Variants in TMEM135 observed in about 807,000 individuals in gnomAD.
TMEM135 encodes transmembrane protein 135.
In TMEM135, 30 loss-of-function variants were observed where a neutral mutation model predicts 60.3. The observed-to-expected ratio is 0.50, with a 90% CI of 0.37 to 0.68. The LOEUF (loss-of-function observed/expected upper bound fraction) is 0.68. Ranked by LOEUF, TMEM135 falls within the 30% of genes least tolerant of loss-of-function variation. The pLI is 0.00. For missense variants in TMEM135, 468 were observed against 548.8 expected, an observed-to-expected ratio of 0.85 and a Z score of 1.47; for synonymous variants, 190 against 186.7, an observed-to-expected ratio of 1.02 and a Z score of -0.14.
intron 4 of TMEM135, among the ~76,000 whole-genome samples, chr11:87,114,736 A>C (rs1371841522): frequency 1.3e-5 from 2 of 152,212 alleles, no homozygotes; most frequent in Non-Finnish European, 2.9e-5. Context: ...TGTGTGTGTT[A>C]CCAAACCATT....
At chr11:87,059,844 G>A (rs1363860146) in intron 1 of TMEM135, among the ~76,000 whole-genome samples, 1 of 152,202 alleles carries the variant, frequency 6.6e-6, no homozygotes, top group African/African-American at 2.4e-5. Flanking sequence ...GGCCGGGCGT[G>A]GTGGCTCACG....
chr11:87,167,145 C>T (rs945958082), intron 5 of TMEM135, among the ~76,000 whole-genome samples: 3 of 152,072 alleles, frequency 2.0e-5, no homozygotes, highest in Non-Finnish European at 4.4e-5. Flanking sequence ...GTGATTTTTG[C>T]ACCTTGATTT....
intron 6 of TMEM135, among the ~76,000 whole-genome samples, chr11:87,251,876 C>T (rs1306262581): frequency 1.3e-5 from 2 of 152,098 alleles, no homozygotes; most frequent in Non-Finnish European, 2.9e-5. Context: ...TACACAATTT[C>T]AGTAAGGACA....
chr11:87,213,462 C>T (rs916221779), intron 5 of TMEM135, among the ~76,000 whole-genome samples: 2 of 152,150 alleles, frequency 1.3e-5, no homozygotes, highest in Non-Finnish European at 2.9e-5. Flanking sequence ...GGACCATTTG[C>T]TTCTAGAGTC....
intron 6 of TMEM135, among the ~76,000 whole-genome samples, chr11:87,240,062 A>G (rs147124174): frequency 1.3e-5 from 2 of 152,166 alleles, no homozygotes; most frequent in Admixed American, 6.6e-5. Flanking sequence ...AAATGCTTCA[A>G]GGCTTGGGCT....
intron 5 of TMEM135, among the ~76,000 whole-genome samples, chr11:87,203,141 C>G (rs1483837247): frequency 1.3e-5 from 2 of 151,958 alleles, no homozygotes; most frequent in Non-Finnish European, 2.9e-5. Flanking sequence ...CATACCCTCC[C>G]CCATTATTAA....
Position 87,326,576 on chromosome 11 carries a change from C to CT in TMEM135, c.*5244dup. On this transcript the variant is annotated 3_prime_UTR_variant, in exon 15 of 15. Coordinates refer to ENST00000305494, the MANE Select transcript of TMEM135 (RefSeq NM_022918.4). ...GCCAAAAGGAATGGGAGAGAAGAGA[C>CT]TATAAACATATTTTAAGCCTTATCT... The CT allele has an allele frequency of 2.2e-6, 1 of 454,086 alleles. No homozygotes were observed. Among genetic ancestry groups the CT allele is most frequent in the Non-Finnish European group, 4.4e-6 (1 of 226,780 alleles). 28.1% of individuals were successfully genotyped at this position (454,086 alleles called of 1,614,324 possible). A position where few individuals can be genotyped will look rare whatever the true frequency, so the allele number is the denominator to read the frequency against.
chr11:87,204,408 A>G (rs147719140), intron 5 of TMEM135, among the ~76,000 whole-genome samples: 130 of 152,256 alleles, frequency 8.5e-4, no homozygotes, highest in Non-Finnish European at 1.6e-3. Flanking sequence ...GTTATGCAAT[A>G]CAGTTGACCT....
Position 87,072,767 on chromosome 11 carries a change from A to G in TMEM135, c.362+1152A>G, listed in dbSNP as rs193081472. Among the ~76,000 whole-genome samples, 6 of 152,370 alleles carry G rather than the reference A, an allele frequency of 3.9e-5. No homozygotes were observed. The East Asian group carries it at 5.8e-4, about 15-fold the overall frequency. Reference sequence around the variant, plus strand: ...TTCCATGTGAATAAATATGATTTCTATAAAATGTTGCAAACTTACATAAAC... The same window carrying G: ...TTCCATGTGAATAAATATGATTTCTGTAAAATGTTGCAAACTTACATAAAC... On this transcript the variant is annotated intron_variant, in intron 3 of 14. Coordinates refer to ENST00000305494, the MANE Select transcript of TMEM135 (RefSeq NM_022918.4).
chr11:87,298,794 A>AAAAAAAAC (rs1390265662), intron 7 of TMEM135, among the ~76,000 whole-genome samples: 2 of 148,726 alleles, frequency 1.3e-5, no homozygotes, highest in East Asian at 2.0e-4. Flanking sequence ...CTCAAAAAAA[A>AAAAAAAAC]AAAAAAAAAA....
rs149421557 is a variant in TMEM135 at position 87,037,938 on chromosome 11, C to T, written c.-108C>T. 130 of 1,530,516 alleles carry T rather than the reference C, an allele frequency of 8.5e-5. No homozygotes were observed. In the African/African-American group the frequency reaches 1.3e-3, roughly 15 times the overall value. 94.8% of individuals were successfully genotyped at this position (1,530,516 alleles called of 1,614,324 possible). ...CTCTCGTGACCTTTCCCCTCCATTCCGCACCTCCGAGTGCTGGCCGGGCGA... is the reference window on the plus strand; with the variant it reads ...CTCTCGTGACCTTTCCCCTCCATTCTGCACCTCCGAGTGCTGGCCGGGCGA... On this transcript the variant is annotated 5_prime_UTR_variant, in exon 1 of 15. Coordinates refer to ENST00000305494, the MANE Select transcript of TMEM135 (RefSeq NM_022918.4).
At chr11:87,318,472 G>A (rs1364641616) in intron 13 of TMEM135, among the ~76,000 whole-genome samples, 1 of 151,006 alleles carries the variant, frequency 6.6e-6, no homozygotes, top group African/African-American at 2.4e-5. Context: ...GGTTTTAATA[G>A]AGTACAATTT....
At chr11:87,098,930 C>T (rs1000929044) in intron 4 of TMEM135, among the ~76,000 whole-genome samples, 8 of 152,062 alleles carry the variant, frequency 5.3e-5, no homozygotes, top group South Asian at 2.1e-4. Context: ...CCTCGTGATC[C>T]GCCCGCCTCG....
intron 1 of TMEM135, among the ~76,000 whole-genome samples, chr11:87,065,525 A>AT (rs1856632242): frequency 6.6e-6 from 1 of 151,916 alleles, no homozygotes; most frequent in African/African-American, 2.4e-5. Flanking sequence ...TTTGCTTTTT[A>AT]TTGTTGAGTT....
At chr11:87,178,384 A>G (rs758645412) in intron 5 of TMEM135, 3 of 456,024 alleles carry the variant, frequency 6.6e-6, no homozygotes, top group South Asian at 1.6e-5. Context: ...TTTTATATAC[A>G]TGTAATTATA....
At chr11:87,241,872 C>A (rs564721363) in intron 6 of TMEM135, among the ~76,000 whole-genome samples, 1 of 151,554 alleles carries the variant, frequency 6.6e-6, no homozygotes, top group South Asian at 2.1e-4. Context: ...ATTATTATTA[C>A]ACTTTAAGTT....
At chr11:87,064,745 G>T (rs1038759437) in intron 1 of TMEM135, among the ~76,000 whole-genome samples, 1 of 152,112 alleles carries the variant, frequency 6.6e-6, no homozygotes, top group Admixed American at 6.6e-5. Flanking sequence ...TTAGCTGGGC[G>T]TGGTGGCCGG....
At chr11:87,089,627 A>G (rs569478093) in intron 3 of TMEM135, among the ~76,000 whole-genome samples, 29 of 152,292 alleles carry the variant, frequency 1.9e-4, no homozygotes, top group Non-Finnish European at 4.0e-4. Flanking sequence ...TTTGTAACAT[A>G]TATGTTTTTT....
Position 87,323,563 on chromosome 11 carries a change from A to G in TMEM135, c.*2230A>G, listed in dbSNP as rs1338298936. The G allele has an allele frequency of 2.2e-6, 1 of 453,220 alleles. No homozygotes were observed. The highest frequency in any genetic ancestry group is 4.4e-6 in the Non-Finnish European group (1 of 226,590). 28.1% of individuals were successfully genotyped at this position (453,220 alleles called of 1,614,324 possible). ...TTTAGTTTATTTATATCCTGAAGAAATGGTAAGTTTTCACTGGAACTGATT... is the reference window on the plus strand; with the variant it reads ...TTTAGTTTATTTATATCCTGAAGAAGTGGTAAGTTTTCACTGGAACTGATT... On this transcript the variant is annotated 3_prime_UTR_variant, in exon 15 of 15. Coordinates refer to ENST00000305494, the MANE Select transcript of TMEM135 (RefSeq NM_022918.4).
Sources: allele counts gnomAD v4.1 joint callset (sites outside exome capture counted in the v4.1 genomes callset), GRCh38; gene constraint gnomAD v4.1.1; transcripts MANE v1.5; gene names NCBI Gene and HGNC (gene_info 2026-07-23, HGNC 2026-07-21).